Variants in DLG2 observed in about 807,000 individuals in gnomAD.
The protein encoded by DLG2 is discs large MAGUK scaffold protein 2, also known as disks large homolog 2.
In DLG2, 45 loss-of-function variants were observed where a neutral mutation model predicts 132.5. The ratio of observed to expected loss-of-function variants is 0.34; its 90% CI spans 0.27 to 0.44. DLG2 has a LOEUF of 0.44. Among genes scored for constraint, DLG2 ranks in the 20% least tolerant of loss-of-function variants. The probability of loss-of-function intolerance (pLI) is 1.00; values close to 1 mark genes in which losing one functional copy is unlikely to be tolerated. For synonymous variants in DLG2, 424 were observed against 419.6 expected (o/e 1.01, Z -0.13); for missense variants, 1,045 against 1,196.9 (o/e 0.87, Z 1.87).
chr11:85,234,052 G>A (rs906633869), intron 4 of DLG2, among the ~76,000 whole-genome samples: 4 of 151,842 alleles, frequency 2.6e-5, no homozygotes, highest in Admixed American at 2.0e-4. Context: ...CCACTGTGCT[G>A]GGTAATGAGG....
chr11:83,471,099 C>G (rs889614949), intron 24 of DLG2, among the ~76,000 whole-genome samples: 5 of 152,042 alleles, frequency 3.3e-5, no homozygotes, highest in African/African-American at 1.2e-4. Context: ...AGTTTAAAGT[C>G]TGTAATGGCC....
intron 3 of DLG2, among the ~76,000 whole-genome samples, chr11:85,568,461 T>G (rs2077658059): frequency 6.6e-6 from 1 of 152,200 alleles, no homozygotes; most frequent in South Asian, 2.1e-4. Flanking sequence ...TATTCTCCCC[T>G]CCTCAATTTT....
chr11:83,958,825 C>CA (rs1425248344), intron 14 of DLG2, among the ~76,000 whole-genome samples: 3 of 151,828 alleles, frequency 2.0e-5, no homozygotes, highest in African/African-American at 4.8e-5. Flanking sequence ...TTACTCCAGC[C>CA]AAAAAAATAG....
At chr11:85,262,251 C>T (rs960985849) in intron 4 of DLG2, among the ~76,000 whole-genome samples, 2 of 152,064 alleles carry the variant, frequency 1.3e-5, no homozygotes, top group African/African-American at 4.8e-5. Context: ...ATGTAGGCCT[C>T]CATAACAACT....
At chr11:85,398,230 T>A (rs757856183) in intron 3 of DLG2, among the ~76,000 whole-genome samples, 11 of 152,022 alleles carry the variant, frequency 7.2e-5, no homozygotes, top group Non-Finnish European at 1.5e-4. Context: ...TTGAAACCAA[T>A]GAGAACAAAG....
chr11:84,238,219 T>C (rs184473448), intron 8 of DLG2, among the ~76,000 whole-genome samples: 2 of 151,894 alleles, frequency 1.3e-5, no homozygotes, highest in Admixed American at 6.6e-5. Context: ...AAAGTCAATT[T>C]AAAAGCCCAG....
At chr11:84,323,816 G>A (rs951952267) in intron 7 of DLG2, among the ~76,000 whole-genome samples, 12 of 150,432 alleles carry the variant, frequency 8.0e-5, no homozygotes, top group African/African-American at 2.9e-4. Context: ...CGATTAGTGA[G>A]GTTGAGCATT....
At chr11:84,855,456 T>C (rs181121904) in intron 6 of DLG2, among the ~76,000 whole-genome samples, 6 of 152,110 alleles carry the variant, frequency 3.9e-5, no homozygotes, top group African/African-American at 1.4e-4. Flanking sequence ...AGCTAGAGAG[T>C]AAAATATCTG....
intron 21 of DLG2, 90 bp from the exon 22 acceptor site, chr11:83,484,318 C>T: frequency 1.1e-6 from 1 of 934,766 alleles, no homozygotes. Flanking sequence ...TGTAAAAGCA[C>T]AGAGAGCTGT....
At chr11:85,575,408 C>A (rs540591744) in intron 3 of DLG2, among the ~76,000 whole-genome samples, 1 of 151,756 alleles carries the variant, frequency 6.6e-6, no homozygotes, top group East Asian at 2.0e-4. Flanking sequence ...TGGTGGTGTG[C>A]GCCTGTGGTC....
intron 6 of DLG2, among the ~76,000 whole-genome samples, chr11:84,970,391 T>C (rs2053932670): frequency 6.6e-6 from 1 of 152,160 alleles, no homozygotes; most frequent in African/African-American, 2.4e-5. Flanking sequence ...TTCAGTACAT[T>C]TTTATTGGGT....
intron 3 of DLG2, among the ~76,000 whole-genome samples, chr11:85,477,336 G>A (rs1424137209): frequency 6.6e-6 from 1 of 152,162 alleles, no homozygotes; most frequent in Admixed American, 6.6e-5. Flanking sequence ...ACCTTGGTAT[G>A]AAAAGCAAAA....
In DLG2 at chr11:85,356,525, T is replaced by C. The variant is rs190203570; in HGVS notation, c.41-71160A>G. 1.4e-4 allele frequency among the ~76,000 whole-genome samples: 21 copies of C among 152,328 alleles called. 1 individual carries two copies. Among genetic ancestry groups the C allele is most frequent in the African/African-American group, 4.1e-4 (17 of 41,576 alleles). On this transcript the variant is annotated intron_variant, in intron 3 of 27. Coordinates refer to ENST00000376104, the MANE Select transcript of DLG2 (RefSeq NM_001142699.3). ...TGATAAGTCTGGTATAGACCTATTA[T>C]AGTGAGACATTCAAAACAAGAGAAC...
intron 3 of DLG2, among the ~76,000 whole-genome samples, chr11:85,338,835 G>A (rs1333307369): frequency 6.6e-6 from 1 of 151,078 alleles, no homozygotes; most frequent in Non-Finnish European, 1.5e-5. Flanking sequence ...CTCCTGAGTA[G>A]CTGGGACTAC....
chr11:83,915,907 T>TAAG (rs1475059491), intron 15 of DLG2, among the ~76,000 whole-genome samples: 1 of 152,136 alleles, frequency 6.6e-6, no homozygotes, highest in Admixed American at 6.6e-5. Flanking sequence ...CCTCTCCCTC[T>TAAG]AGCCCCAGGA....
intron 9 of DLG2, among the ~76,000 whole-genome samples, chr11:84,105,301 C>T (rs569593209): frequency 6.6e-6 from 1 of 152,288 alleles, no homozygotes; most frequent in Non-Finnish European, 1.5e-5. Context: ...TTGACATCTG[C>T]ATGGTATTGG....
chr11:83,570,434 C>G (rs2096779107), intron 19 of DLG2, among the ~76,000 whole-genome samples: 1 of 152,162 alleles, frequency 6.6e-6, no homozygotes, highest in South Asian at 2.1e-4. Flanking sequence ...ACTACTATTA[C>G]TGGTTATGGC....
chr11:85,557,459 A>C (rs1352698725), intron 3 of DLG2, among the ~76,000 whole-genome samples: 1 of 151,888 alleles, frequency 6.6e-6, no homozygotes, highest in Non-Finnish European at 1.5e-5. Context: ...AAACTATCCT[A>C]AAATTCATAC....
chr11:85,477,615 TAGGGGTATGTATAATC>T (rs1187948028), intron 3 of DLG2, among the ~76,000 whole-genome samples: 1 of 152,214 alleles, frequency 6.6e-6, no homozygotes, highest in Non-Finnish European at 1.5e-5. Context: ...GTTCTTTAGG[TAGGGGTATGTATAATC>T]AGGGCTGATA....
Sources: gnomAD v4.1 joint callset for allele counts (sites outside exome capture counted in the v4.1 genomes callset) on GRCh38, gnomAD v4.1.1 for gene constraint, MANE v1.5 for transcripts, NCBI Gene and HGNC (gene_info 2026-07-23, HGNC 2026-07-21) for gene names.